CAMSAP2: variants seen among roughly 807,000 people sequenced by gnomAD.
CAMSAP2 encodes the protein calmodulin-regulated spectrin-associated protein 2.
CAMSAP2 carries 26 observed loss-of-function variants against 146.1 expected under a neutral mutation model. The ratio of observed to expected loss-of-function variants is 0.18; its 90% CI spans 0.13 to 0.25. CAMSAP2 has a LOEUF of 0.25. Ranked by LOEUF, CAMSAP2 falls within the 10% of genes least tolerant of loss-of-function variation. The pLI is 1.00. For synonymous variants in CAMSAP2, 499 were observed against 596.6 expected, an observed-to-expected ratio of 0.84 and a Z score of 2.38; for missense variants, 1,381 against 1,759.3, an observed-to-expected ratio of 0.78 and a Z score of 3.85.
chr1:200,820,782 A>C (rs965118994), intron 4 of CAMSAP2, among the ~76,000 whole-genome samples: 1 of 152,218 alleles, frequency 6.6e-6, no homozygotes, highest in Non-Finnish European at 1.5e-5. Flanking sequence ...ATTTCAGTAC[A>C]TTAAAGTCCC....
intron 4 of CAMSAP2, among the ~76,000 whole-genome samples, chr1:200,817,211 T>TATAAGTGTGTGTGTATATAC (rs1415827685): frequency 5.3e-5 from 3 of 56,186 alleles, no homozygotes; most frequent in Non-Finnish European, 1.0e-4. Flanking sequence ...TATACACACA[T>TATAAGTGTGTGTGTATATAC]ACACACATAT....
chr1:200,744,480 A>G (rs1460532625), intron 1 of CAMSAP2, among the ~76,000 whole-genome samples: 1 of 152,188 alleles, frequency 6.6e-6, no homozygotes, highest in Non-Finnish European at 1.5e-5. Flanking sequence ...TTCAAGGAGA[A>G]TGGTCTGATT....
intron 2 of CAMSAP2, among the ~76,000 whole-genome samples, chr1:200,794,104 T>C (rs1665822218): frequency 6.6e-6 from 1 of 152,218 alleles, no homozygotes; most frequent in Non-Finnish European, 1.5e-5. Flanking sequence ...TATATAATGA[T>C]GCATGTATAA....
chr1:200,815,384 A>G (rs898850985), intron 3 of CAMSAP2, among the ~76,000 whole-genome samples, 177 bp from the exon 4 acceptor site: 1 of 152,210 alleles, frequency 6.6e-6, no homozygotes, highest in Non-Finnish European at 1.5e-5. Context: ...TCAAATAAGT[A>G]CCCATAAACT....
Position 200,853,354 on chromosome 1 carries a change from C to T in CAMSAP2, c.3682C>T (p.Arg1228Trp), listed in dbSNP as rs199622691. The change falls in exon 13 of 17, where the codon CGG becomes TGG. Residue 1228 changes from arginine to tryptophan, a missense_variant. By Grantham distance (101) the Arg-to-Trp change is moderately radical (BLOSUM62 -3). This residue lies in a region of CAMSAP2 where 560 missense variants were observed against 715.9 expected (regional missense o/e 0.78). Coordinates refer to ENST00000358823, the MANE Select transcript of CAMSAP2 (RefSeq NM_203459.4). The surrounding 1 kb of genome is among the most constrained non-coding windows in gnomAD (Gnocchi z 5.1). The part of the protein sequence containing the change: ...REFIRQEYMR[R>W]KQLKLMEDMD... Reference sequence around the variant, plus strand: ...ATTTATTAGGCAAGAATATATGAGGCGGAAACAACTGAAACTAATGGAAGA... The same window carrying T: ...ATTTATTAGGCAAGAATATATGAGGTGGAAACAACTGAAACTAATGGAAGA... The T allele has an allele frequency of 4.6e-5, 74 of 1,613,582 alleles. No homozygotes were observed. The highest frequency in any genetic ancestry group is 1.7e-4 in the Middle Eastern group (1 of 6,036).
intron 2 of CAMSAP2, among the ~76,000 whole-genome samples, chr1:200,806,360 CAA>C (rs1176391768): frequency 6.6e-6 from 1 of 152,112 alleles, no homozygotes; most frequent in East Asian, 1.9e-4. Context: ...TAAAGTCAAA[CAA>C]GAGTGGGGTC....
chr1:200,747,019 C>G (rs1664352103), intron 1 of CAMSAP2, among the ~76,000 whole-genome samples: 1 of 152,126 alleles, frequency 6.6e-6, no homozygotes, highest in African/African-American at 2.4e-5. Context: ...GGTGATCCTC[C>G]TGCCTCAGCC....
At chr1:200,762,263 T>C (rs73086643) in intron 2 of CAMSAP2, among the ~76,000 whole-genome samples, 1,660 of 152,264 alleles carry the variant, frequency 0.011, 30 homozygotes, top group African/African-American at 0.037. Flanking sequence ...GAAAATAATG[T>C]ATTGATTAGT....
intron 2 of CAMSAP2, among the ~76,000 whole-genome samples, chr1:200,797,119 C>T (rs1054654947): frequency 3.8e-4 from 58 of 151,920 alleles, no homozygotes; most frequent in Middle Eastern, 3.4e-3. Flanking sequence ...TGAATAATGC[C>T]GCAATAAACA....
chr1:200,778,497 AT>A (rs1378450497), intron 2 of CAMSAP2, among the ~76,000 whole-genome samples: 2 of 152,194 alleles, frequency 1.3e-5, no homozygotes, highest in African/African-American at 4.8e-5. Flanking sequence ...TACCTTTATA[AT>A]TTCAAATACT....
At chr1:200,835,573 G>A (rs1667165612) in intron 6 of CAMSAP2, among the ~76,000 whole-genome samples, 2 of 152,106 alleles carry the variant, frequency 1.3e-5, no homozygotes, top group African/African-American at 2.4e-5. Flanking sequence ...ATAAGCCACT[G>A]CTCCTGCTGA....
intron 6 of CAMSAP2, among the ~76,000 whole-genome samples, chr1:200,841,494 C>T (rs1667322398): frequency 6.6e-6 from 1 of 152,206 alleles, no homozygotes; most frequent in Non-Finnish European, 1.5e-5. Context: ...GATCTGCCCA[C>T]CTTGGCCTCC....
At chr1:200,835,739 A>C (rs533548882) in intron 6 of CAMSAP2, among the ~76,000 whole-genome samples, 55 of 152,274 alleles carry the variant, frequency 3.6e-4, no homozygotes, top group African/African-American at 9.4e-4. Context: ...TTTTCAGGTA[A>C]TAACAGAAAT....
At chr1:200,802,142 C>A (rs1666051152) in intron 2 of CAMSAP2, among the ~76,000 whole-genome samples, 1 of 152,132 alleles carries the variant, frequency 6.6e-6, no homozygotes, top group African/African-American at 2.4e-5. Flanking sequence ...TTAGTTTATT[C>A]TTGAATTGTC....
chr1:200,760,808 G>T (rs779353182), intron 1 of CAMSAP2, 31 bp from the exon 2 acceptor site: 3 of 1,476,776 alleles, frequency 2.0e-6, no homozygotes, highest in Admixed American at 4.1e-5. Flanking sequence ...TAAAAATCTT[G>T]TAAGAGAATT....
intron 2 of CAMSAP2, among the ~76,000 whole-genome samples, chr1:200,795,815 C>T (rs1417840495): frequency 2.0e-5 from 3 of 152,186 alleles, no homozygotes; most frequent in Non-Finnish European, 2.9e-5. Flanking sequence ...GAACTCTCAA[C>T]TACTTCCTTG....
At chr1:200,850,516 A>C (rs555558494) in intron 11 of CAMSAP2, among the ~76,000 whole-genome samples, 2 of 152,310 alleles carry the variant, frequency 1.3e-5, no homozygotes, top group African/African-American at 4.8e-5. Flanking sequence ...TAAGCTACTC[A>C]GATCTCTTCA....
chr1:200,817,108 ACG>A (rs1491198660), intron 4 of CAMSAP2, among the ~76,000 whole-genome samples: 1 of 145,220 alleles, frequency 6.9e-6, no homozygotes, highest in Non-Finnish European at 1.5e-5. Flanking sequence ...GTATACACAC[ACG>A]TGTGTGTATA....
rs774581756 is a variant in CAMSAP2, at chr1:200,816,588, T to TC, written c.645+945dup. On this transcript the variant is annotated intron_variant, in intron 4 of 16. Coordinates refer to ENST00000358823, the MANE Select transcript of CAMSAP2 (RefSeq NM_203459.4). ...CAGCCTGGGCAATAAGAGCAAAACT[T>TC]CATCTCAAAAAAAAAAAATATATAT... 1.1e-3 allele frequency among the ~76,000 whole-genome samples: 116 copies of TC among 101,850 alleles called. 1 individual carries two copies. Among genetic ancestry groups the TC allele is most frequent in the Non-Finnish European group, 2.0e-3 (96 of 47,230 alleles). 66.8% of individuals were successfully genotyped at this position (101,850 alleles called of 152,430 possible). A position where few individuals can be genotyped will look rare whatever the true frequency, so the allele number is the denominator to read the frequency against.
Sources: gnomAD v4.1 joint callset for allele counts (sites outside exome capture counted in the v4.1 genomes callset) on GRCh38, gnomAD v4.1.1 for gene constraint, gnomAD v4.1.1 regional missense constraint, Gnocchi (gnomAD v3.1) non-coding constraint, MANE v1.5 for transcripts, NCBI Gene and HGNC (gene_info 2026-07-23, HGNC 2026-07-21) for gene names.